The following APBB2 variants were observed in gnomAD, a reference collection of about 807,000 sequenced individuals.
The protein encoded by APBB2 is amyloid beta precursor protein binding family B member 2, also known as Fe65-like 1.
Under a neutral mutation model 82.5 loss-of-function variants are expected in APBB2, and 38 were observed. That is an observed-to-expected ratio of 0.46 (90% CI 0.36 to 0.60). APBB2 has a LOEUF of 0.60. Ranked by LOEUF, APBB2 falls within the 20% of genes least tolerant of loss-of-function variation. APBB2 has a pLI of 0.00. For missense variants in APBB2, 772 were observed against 972.3 expected, an observed-to-expected ratio of 0.79 and a Z score of 2.74; for synonymous variants, 341 against 368.2, an observed-to-expected ratio of 0.93 and a Z score of 0.85.
chr4:40,899,999 G>A (rs1774816324), intron 10 of APBB2, among the ~76,000 whole-genome samples: 1 of 152,176 alleles, frequency 6.6e-6, no homozygotes, highest in South Asian at 2.1e-4. Flanking sequence ...GACACCCAGG[G>A]CACAGCTGCT....
rs542542536 is a variant in APBB2, at chr4:40,926,267, C to T, written c.1254+8189G>A. ...CAGAAATGCAATTTCATGTCCCACC[C>T]CAGAGCAAATGAATCAGAATTTGCC... On this transcript the variant is annotated intron_variant, in intron 10 of 17. Transcript: ENST00000508593. 3.0e-4 allele frequency among the ~76,000 whole-genome samples: 45 copies of T among 152,272 alleles called. 2 individuals are homozygous for T. In the South Asian group the frequency reaches 9.1e-3, roughly 31 times the overall value.
intron 4 of APBB2, among the ~76,000 whole-genome samples, chr4:41,046,227 T>C (rs1008715655): frequency 3.9e-5 from 6 of 152,246 alleles, no homozygotes; most frequent in Admixed American, 2.6e-4. Context: ...CCATCTGCTT[T>C]CCATGCTATA....
chr4:41,019,235 A>C (rs1810820650), intron 5 of APBB2, among the ~76,000 whole-genome samples: 2 of 152,220 alleles, frequency 1.3e-5, no homozygotes, highest in African/African-American at 4.8e-5. Context: ...TTTATTGTTT[A>C]AAGGCTGTAA....
At chr4:40,901,502 G>T (rs1560838379) in intron 10 of APBB2, among the ~76,000 whole-genome samples, 1 of 151,718 alleles carries the variant, frequency 6.6e-6, no homozygotes, top group Non-Finnish European at 1.5e-5. Context: ...TGACTTCAGG[G>T]TTTTTTTTGT....
chr4:41,033,728 A>C (rs1248513765), intron 4 of APBB2, among the ~76,000 whole-genome samples: 1 of 152,156 alleles, frequency 6.6e-6, no homozygotes, highest in Non-Finnish European at 1.5e-5. Context: ...AAAGCAAAAA[A>C]CAGACTGAAG....
chr4:40,999,003 A>C (rs1285131789), intron 6 of APBB2, among the ~76,000 whole-genome samples: 1 of 152,162 alleles, frequency 6.6e-6, no homozygotes, highest in African/African-American at 2.4e-5. Context: ...AGAATTTTCC[A>C]TGGAATTTTT....
intron 4 of APBB2, among the ~76,000 whole-genome samples, chr4:41,035,541 G>A (rs909652928): frequency 1.3e-5 from 2 of 152,128 alleles, no homozygotes; most frequent in African/African-American, 4.8e-5. Context: ...TACATTAAAT[G>A]CTATGCAGAG....
At chr4:40,928,407 CACACACACACACACACACACA>C (rs1322391845) in intron 10 of APBB2, among the ~76,000 whole-genome samples, 15 of 68,610 alleles carry the variant, frequency 2.2e-4, no homozygotes, top group African/African-American at 8.0e-4. Context: ...CACACACACA[CACACACACACACACACACACA>C]ATCAGCCAGG....
At chr4:41,106,396 T>C (rs1747248555) in intron 2 of APBB2, among the ~76,000 whole-genome samples, 2 of 152,258 alleles carry the variant, frequency 1.3e-5, no homozygotes, top group South Asian at 4.1e-4. Context: ...ACCAAGGGAA[T>C]AATCTTGGGA....
At chr4:41,183,898 C>CTAT (rs939704003) in intron 1 of APBB2, among the ~76,000 whole-genome samples, 2 of 152,046 alleles carry the variant, frequency 1.3e-5, no homozygotes, top group Non-Finnish European at 2.9e-5. Context: ...CACTTTATTT[C>CTAT]TATTATTATT....
intron 12 of APBB2, among the ~76,000 whole-genome samples, chr4:40,851,144 G>A (rs896692839): frequency 2.6e-5 from 4 of 152,144 alleles, no homozygotes; most frequent in Admixed American, 2.6e-4. Flanking sequence ...ACAGCAGAGT[G>A]TAAACCAATT....
In APBB2 at chr4:40,826,448, G is replaced by A. The variant is rs1456775893; in HGVS notation, c.1733-478C>T. Among the ~76,000 whole-genome samples the A allele has an allele frequency of 6.6e-6, 1 of 151,666 alleles. No individual in the cohort carries two copies. The highest frequency in any genetic ancestry group is 1.9e-4 in the East Asian group (1 of 5,158). On this transcript the variant is annotated intron_variant, in intron 14 of 17. Transcript: ENST00000508593. The surrounding 1 kb of genome is among the most constrained non-coding windows in gnomAD (Gnocchi z 4.5). ...TGCAGTGGTGCGATCTTGGCTCGCT[G>A]CAACCTCCATCTCCTGGGTTCTAGC...
intron 6 of APBB2, among the ~76,000 whole-genome samples, chr4:40,987,984 T>C (rs75004306): frequency 3.1e-4 from 47 of 152,306 alleles, no homozygotes; most frequent in African/African-American, 9.6e-4. Flanking sequence ...CCAGATAAAA[T>C]TGATCTCTCA....
chr4:40,878,042 G>C (rs569959175), intron 12 of APBB2, among the ~76,000 whole-genome samples: 1 of 150,360 alleles, frequency 6.7e-6, no homozygotes, highest in Non-Finnish European at 1.5e-5. Flanking sequence ...AGGGTGGGTG[G>C]CTGAGCATTA....
chr4:41,196,776 T>C, intron 1 of APBB2, among the ~76,000 whole-genome samples: 14 of 152,106 alleles, frequency 9.2e-5, no homozygotes, highest in South Asian at 2.1e-4. Context: ...AAAACCACAA[T>C]TGGAAATAAT....
chr4:41,109,993 G>A (rs1748611696), intron 2 of APBB2, among the ~76,000 whole-genome samples: 2 of 152,136 alleles, frequency 1.3e-5, no homozygotes, highest in South Asian at 2.1e-4. Context: ...GTCCTTGAAG[G>A]ATGAGACAAA....
At chr4:40,992,486 T>C (rs1802412832) in intron 6 of APBB2, among the ~76,000 whole-genome samples, 1 of 152,078 alleles carries the variant, frequency 6.6e-6, no homozygotes, top group South Asian at 2.1e-4. Flanking sequence ...TTGACACAGC[T>C]TTTTAGTTCG....
In APBB2 at chr4:40,826,347, C is replaced by CT. The variant is rs1749917213; in HGVS notation, c.1733-378dup. On this transcript the variant is annotated intron_variant, in intron 14 of 17. Transcript: ENST00000508593. This position sits in a 1 kb window ranked among gnomAD's most constrained non-coding sequence, Gnocchi z 4.5. ...CACAATCAGAGACATAGGAAGATAA[C>CT]TGAGTTCCCCCAGTAATCAACCCAC... Among the ~76,000 whole-genome samples, 1 of 151,000 alleles carries CT rather than the reference C, an allele frequency of 6.6e-6. No individual in the cohort carries two copies. The highest frequency in any genetic ancestry group is 2.4e-5 in the African/African-American group (1 of 41,104).
intron 10 of APBB2, among the ~76,000 whole-genome samples, chr4:40,933,707 A>T (rs928101364): frequency 6.6e-6 from 1 of 152,208 alleles, no homozygotes; most frequent in Admixed American, 6.5e-5. Context: ...GGGGGCCAGA[A>T]GGTGAGAACC....
Sources: allele counts gnomAD v4.1 joint callset (sites outside exome capture counted in the v4.1 genomes callset), GRCh38; gene constraint gnomAD v4.1.1; non-coding constraint Gnocchi (gnomAD v3.1); transcripts MANE v1.5; gene names NCBI Gene and HGNC (gene_info 2026-07-23, HGNC 2026-07-21).